The following PTPRZ1 variants were observed in gnomAD, a reference collection of about 807,000 sequenced individuals.
The protein encoded by PTPRZ1 is protein tyrosine phosphatase receptor type Z1, also known as receptor-type tyrosine-protein phosphatase zeta.
Under a neutral mutation model 214.1 loss-of-function variants are expected in PTPRZ1, and 82 were observed. That is an observed-to-expected ratio of 0.38 (90% confidence interval 0.32 to 0.46). PTPRZ1 has a LOEUF of 0.46. Ranked by LOEUF, PTPRZ1 falls within the 20% of genes least tolerant of loss-of-function variation. The pLI is 1.00. For missense variants in PTPRZ1, 2,603 were observed against 2,748.7 expected, an observed-to-expected ratio of 0.95 and a Z score of 1.19; for synonymous variants, 945 against 987.9, an observed-to-expected ratio of 0.96 and a Z score of 0.81.
intron 8 of PTPRZ1, among the ~76,000 whole-genome samples, chr7:121,993,468 G>A (rs1271266463): frequency 4.0e-5 from 6 of 151,168 alleles, no homozygotes; most frequent in Non-Finnish European, 8.8e-5. Context: ...CCAGCTGCTC[G>A]GGAGGCTGAG....
In PTPRZ1 at chr7:122,011,585, T is replaced by C. The variant is rs535880264; in HGVS notation, c.2539T>C (p.Ser847Pro). Reference sequence around the variant, plus strand: ...TTCTCAAATCCTTCCACAAGTTACTTCAGCTACCGAGAGTGATAAGGTGCC... The same window carrying C: ...TTCTCAAATCCTTCCACAAGTTACTCCAGCTACCGAGAGTGATAAGGTGCC... ...TVSQILPQVT[S>P]ATESDKVPLH... Residue 847 changes from serine (S) to proline (P), a missense_variant, in exon 12 of 30, where the codon TCA becomes CCA. Coordinates refer to ENST00000393386, the MANE Select transcript of PTPRZ1 (RefSeq NM_002851.3). The C allele has an allele frequency of 6.2e-7, 1 of 1,614,072 alleles. No homozygotes were observed.
At chr7:121,931,451 C>A (rs1795922479) in intron 2 of PTPRZ1, among the ~76,000 whole-genome samples, 1 of 152,126 alleles carries the variant, frequency 6.6e-6, no homozygotes, top group African/African-American at 2.4e-5. Flanking sequence ...ACCCTCCACT[C>A]TCCCTAAACC....
At chr7:121,876,029 A>G (rs377665476) in intron 1 of PTPRZ1, among the ~76,000 whole-genome samples, 1 of 152,316 alleles carries the variant, frequency 6.6e-6, no homozygotes, top group African/African-American at 2.4e-5. Context: ...TTATCCAGGA[A>G]CAAGTTGTAG....
rs201224372 is a variant in PTPRZ1 at position 122,011,299 on chromosome 7, G to T, written c.2253G>T (p.Pro751=). 6.2e-6 allele frequency: 10 copies of T among 1,614,004 alleles called. No homozygotes were observed. The highest frequency in any genetic ancestry group is 1.1e-5 in the South Asian group (1 of 91,072). ...VNVVYSQTTQ[P]VYNGETPLQP... ...TGGTATACTCGCAGACAACCCAACCGGTATACAATGGTGAGACACCTCTTC... is the reference window on the plus strand; with the variant it reads ...TGGTATACTCGCAGACAACCCAACCTGTATACAATGGTGAGACACCTCTTC... The change falls in exon 12 of 30, where the codon CCG becomes CCT. Residue 751 remains proline, a synonymous_variant. Coordinates refer to ENST00000393386, the MANE Select transcript of PTPRZ1 (RefSeq NM_002851.3).
chr7:121,989,700 A>G (rs1171857583), intron 8 of PTPRZ1, among the ~76,000 whole-genome samples: 5 of 152,180 alleles, frequency 3.3e-5, no homozygotes, highest in African/African-American at 9.7e-5. Context: ...TGGATATACT[A>G]TCTCCTTCGG....
intron 1 of PTPRZ1, among the ~76,000 whole-genome samples, chr7:121,909,301 G>A (rs190147286): frequency 2.6e-5 from 4 of 152,188 alleles, no homozygotes; most frequent in African/African-American, 9.6e-5. Flanking sequence ...CAGAGTTGCA[G>A]CCAGTGAAAC....
intron 1 of PTPRZ1, among the ~76,000 whole-genome samples, chr7:121,913,376 G>A (rs1795333248): frequency 6.6e-6 from 1 of 152,116 alleles, no homozygotes; most frequent in Admixed American, 6.6e-5. Context: ...TTATTCCAAG[G>A]CACAAAGAAC....
At chr7:121,949,327 T>C (rs964181440) in intron 2 of PTPRZ1, among the ~76,000 whole-genome samples, 3 of 152,178 alleles carry the variant, frequency 2.0e-5, no homozygotes, top group African/African-American at 4.8e-5. Flanking sequence ...CCAGCTTGAC[T>C]TTTCCCTTTA....
intron 28 of PTPRZ1, chr7:122,059,543 TG>T: frequency 2.0e-6 from 1 of 511,818 alleles, no homozygotes; most frequent in Non-Finnish European, 3.3e-6. Flanking sequence ...ACTAAACTTC[TG>T]TAAAGTATTC....
chr7:122,009,087 T>A (rs75375343), intron 11 of PTPRZ1, among the ~76,000 whole-genome samples: 1,768 of 152,078 alleles, frequency 0.012, 18 homozygotes, highest in Non-Finnish European at 0.018. Context: ...TCTGAGAGAG[T>A]AGCCATTTTT....
rs185158958 is a variant in PTPRZ1 at position 122,010,452 on chromosome 7, G to T, written c.1406G>T (p.Arg469Leu). The T allele has an allele frequency of 1.5e-5, 25 of 1,613,984 alleles. No homozygotes were observed. The Admixed American group carries it at 4.2e-4, about 27-fold the overall frequency. ...PQISTTTHYN[R>L]IGTKYNEAKT... ...ATTTCTACCACAACACACTACAATC[G>T]CATAGGGACGAAATACAATGAAGCC... is the stretch of plus-strand genomic sequence containing the variant. The change falls in exon 12 of 30, where the codon CGC becomes CTC. Residue 469 changes from arginine (R) to leucine (L), a missense_variant. Physicochemically the swap from Arg to Leu is moderately radical, Grantham distance 102. This residue lies in a region of PTPRZ1 where 1,913 missense variants were observed against 1,914.3 expected (regional missense o/e 1.00). Transcript: ENST00000393386.
intron 1 of PTPRZ1, among the ~76,000 whole-genome samples, chr7:121,923,043 A>G (rs1795646738): frequency 6.6e-6 from 1 of 152,196 alleles, no homozygotes; most frequent in Non-Finnish European, 1.5e-5. Context: ...ATGGATAGTG[A>G]TCTGTCACCA....
At chr7:121,932,390 C>T (rs1485645342) in intron 2 of PTPRZ1, among the ~76,000 whole-genome samples, 1 of 152,074 alleles carries the variant, frequency 6.6e-6, no homozygotes, top group African/African-American at 2.4e-5. Flanking sequence ...CTTGAAATAA[C>T]TGTATGAAAA....
chr7:121,912,219 A>G (rs778169996), intron 1 of PTPRZ1, among the ~76,000 whole-genome samples: 3 of 152,334 alleles, frequency 2.0e-5, no homozygotes, highest in Admixed American at 6.5e-5. Context: ...GAAAATTATA[A>G]CAAGGCAAAG....
chr7:121,915,657 T>C (rs774045359), intron 1 of PTPRZ1, among the ~76,000 whole-genome samples: 9 of 152,192 alleles, frequency 5.9e-5, no homozygotes, highest in Non-Finnish European at 1.0e-4. Context: ...ATTTCCAAGG[T>C]TAAATCAGTG....
chr7:122,012,202 T>C lies in PTPRZ1; in HGVS notation c.3156T>C (p.Thr1052=), dbSNP rs1456562492. Residue 1052 remains threonine, a synonymous_variant, in exon 12 of 30, where the codon ACT becomes ACC. Coordinates refer to ENST00000393386, the MANE Select transcript of PTPRZ1 (RefSeq NM_002851.3). Reference sequence around the variant, plus strand: ...GTGAAATAATATATGGAAATGAGACTGAACTGCAAATTCCTTCTTTCAATG... The same window carrying C: ...GTGAAATAATATATGGAAATGAGACCGAACTGCAAATTCCTTCTTTCAATG... ...SKSEIIYGNE[T]ELQIPSFNEM... 6.2e-7 allele frequency: 1 copy of C among 1,613,960 alleles called. No homozygotes were observed. Among genetic ancestry groups the C allele is most frequent in the Non-Finnish European group, 8.5e-7 (1 of 1,179,812 alleles).
chr7:121,952,631 A>G (rs1275458185), intron 2 of PTPRZ1, among the ~76,000 whole-genome samples: 3 of 152,220 alleles, frequency 2.0e-5, no homozygotes, highest in Non-Finnish European at 4.4e-5. Context: ...GAATCAATTT[A>G]TTAAAAATCA....
chr7:121,881,574 G>A (rs889583653), intron 1 of PTPRZ1, among the ~76,000 whole-genome samples: 2 of 152,172 alleles, frequency 1.3e-5, no homozygotes, highest in Non-Finnish European at 2.9e-5. Flanking sequence ...ATATTTGCAG[G>A]TCTTATGCTG....
chr7:121,889,421 CTG>C (rs1299220367), intron 1 of PTPRZ1, among the ~76,000 whole-genome samples: 2 of 152,148 alleles, frequency 1.3e-5, no homozygotes, highest in Non-Finnish European at 1.5e-5. Context: ...TTACAGCTGA[CTG>C]TCACATCTTT....
Sources: allele counts gnomAD v4.1 joint callset (sites outside exome capture counted in the v4.1 genomes callset), GRCh38; gene constraint gnomAD v4.1.1; regional missense constraint gnomAD v4.1.1; transcripts MANE v1.5; gene names NCBI Gene and HGNC (gene_info 2026-07-23, HGNC 2026-07-21).